VPS53: variants seen among roughly 807,000 people sequenced by gnomAD.
VPS53 encodes VPS53 subunit of GARP complex.
VPS53 carries 70 observed loss-of-function variants against 107.0 expected under a neutral mutation model. That is an observed-to-expected ratio of 0.65 (90% CI 0.54 to 0.80). VPS53 has a LOEUF of 0.80. Ranked by LOEUF, VPS53 falls within the 30% of genes least tolerant of loss-of-function variation. The pLI, the probability that VPS53 is intolerant of heterozygous loss-of-function variation, is 0.00. For synonymous variants in VPS53, 409 were observed against 393.3 expected, an observed-to-expected ratio of 1.04 and a Z score of -0.47; for missense variants, 917 against 1,049.4, an observed-to-expected ratio of 0.87 and a Z score of 1.74.
intron 13 of VPS53, among the ~76,000 whole-genome samples, chr17:569,493 T>C (rs973142467): frequency 7.9e-5 from 12 of 152,198 alleles, no homozygotes; most frequent in Non-Finnish European, 1.2e-4. Context: ...GAGATAGTGA[T>C]GCCTACAACC....
intron 9 of VPS53, 139 bp from the exon 10 acceptor site, chr17:627,455 C>T (rs1260644209): frequency 2.4e-5 from 28 of 1,170,338 alleles, no homozygotes; most frequent in Non-Finnish European, 3.1e-5. Flanking sequence ...TCTAGGCTAC[C>T]TTTTTAACTT....
chr17:686,995 A>C (rs1196307716), intron 4 of VPS53, among the ~76,000 whole-genome samples: 3 of 152,038 alleles, frequency 2.0e-5, no homozygotes, highest in Non-Finnish European at 2.9e-5. Flanking sequence ...ATACTTAAAA[A>C]TTACATTAGC....
intron 19 of VPS53, among the ~76,000 whole-genome samples, chr17:528,357 C>A (rs576203590): frequency 1.3e-5 from 2 of 152,308 alleles, no homozygotes; most frequent in South Asian, 4.1e-4. Context: ...CAATAGGTGG[C>A]TTTTTGTGTC....
At chr17:684,471 A>G (rs1289166304) in intron 4 of VPS53, among the ~76,000 whole-genome samples, 5 of 152,234 alleles carry the variant, frequency 3.3e-5, no homozygotes, top group Non-Finnish European at 7.3e-5. Flanking sequence ...AAAAACCACA[A>G]AATATTTAGT....
intron 4 of VPS53, among the ~76,000 whole-genome samples, chr17:672,226 G>C (rs139146787): frequency 8.5e-6 from 1 of 118,342 alleles, no homozygotes; most frequent in Non-Finnish European, 1.9e-5. Context: ...CTTTACTCCC[G>C]TCTTTGGCTT....
intron 10 of VPS53, 103 bp downstream of exon 10, chr17:627,071 G>A: frequency 6.9e-7 from 1 of 1,443,330 alleles, no homozygotes; most frequent in Non-Finnish European, 9.3e-7. Flanking sequence ...GTGGGGTCTG[G>A]AAGTGGCATC....
chr17:659,189 C>T (rs1433690633), intron 5 of VPS53, among the ~76,000 whole-genome samples: 1 of 152,170 alleles, frequency 6.6e-6, no homozygotes, highest in African/African-American at 2.4e-5. Flanking sequence ...CCACTTGCAA[C>T]TCTGAAATCA....
intron 7 of VPS53, among the ~76,000 whole-genome samples, chr17:643,759 G>A (rs1446597263): frequency 1.3e-5 from 2 of 151,806 alleles, no homozygotes; most frequent in Non-Finnish European, 2.9e-5. Flanking sequence ...GGAAAGCGAG[G>A]ACAACACTCA....
chr17:679,566 G>A (rs1399950179), intron 4 of VPS53, among the ~76,000 whole-genome samples: 1 of 151,986 alleles, frequency 6.6e-6, no homozygotes, highest in African/African-American at 2.4e-5. Context: ...ACAGAGAATT[G>A]GAAAGGATGA....
rs113230071 is a variant in VPS53 at position 578,397 on chromosome 17, C to T, written c.1313+7873G>A. On this transcript the variant is annotated intron_variant, in intron 13 of 21. Coordinates refer to ENST00000437048, the MANE Select transcript of VPS53 (RefSeq NM_001128159.3). ...GAGAACCTCCCTCAGAACCTCAGTG[C>T]GTTTCCAGAGAAGCTCCCTCAGAAC... 7.8e-3 allele frequency among the ~76,000 whole-genome samples: 1,180 copies of T among 150,804 alleles called. 15 individuals are homozygous for T. The highest frequency in any genetic ancestry group is 0.026 in the African/African-American group (1,083 of 40,960).
At chr17:641,521 T>C (rs189235838) in intron 7 of VPS53, among the ~76,000 whole-genome samples, 221 of 152,360 alleles carry the variant, frequency 1.5e-3, no homozygotes, top group African/African-American at 4.0e-3. Context: ...GGTGCATTTG[T>C]GGCTCACTGC....
chr17:609,978 A>G (rs530951485), intron 11 of VPS53, among the ~76,000 whole-genome samples: 2 of 152,170 alleles, frequency 1.3e-5, no homozygotes, highest in South Asian at 4.2e-4. Context: ...ATATAAAAAA[A>G]AAAATTAGCC....
intron 12 of VPS53, among the ~76,000 whole-genome samples, chr17:590,614 T>C (rs1967592927): frequency 6.6e-6 from 1 of 152,158 alleles, no homozygotes; most frequent in Non-Finnish European, 1.5e-5. Context: ...TCAAAGGCCT[T>C]TTCTGCATCT....
At chr17:681,213 C>T (rs8066029) in intron 4 of VPS53, among the ~76,000 whole-genome samples, 3,872 of 152,224 alleles carry the variant, frequency 0.025, 62 homozygotes, top group East Asian at 0.07. Context: ...TTCGGCTCAC[C>T]GCAACCTCAG....
chr17:638,632 A>G (rs179462), intron 7 of VPS53, among the ~76,000 whole-genome samples: 52,822 of 151,924 alleles, frequency 0.35, 10,994 homozygotes, highest in Non-Finnish European at 0.47. Flanking sequence ...ATCTCTCAGC[A>G]TTTGCTTGTC....
intron 11 of VPS53, among the ~76,000 whole-genome samples, chr17:608,223 AT>A (rs1250497380): frequency 2.0e-5 from 3 of 152,120 alleles, no homozygotes; most frequent in Non-Finnish European, 4.4e-5. Context: ...CACTTCTTCT[AT>A]TGCAACAGTT....
At chr17:572,200 G>C (rs1220702434) in intron 13 of VPS53, among the ~76,000 whole-genome samples, 1 of 142,738 alleles carries the variant, frequency 7.0e-6, no homozygotes, top group Non-Finnish European at 1.5e-5. Context: ...CCGCCGCCCC[G>C]TCTGGGATGT....
chr17:662,498 G>A (rs977419413), intron 4 of VPS53, among the ~76,000 whole-genome samples: 1 of 151,986 alleles, frequency 6.6e-6, no homozygotes, highest in Non-Finnish European at 1.5e-5. Context: ...GACCATCCTG[G>A]CTAACACGGT....
intron 4 of VPS53, among the ~76,000 whole-genome samples, chr17:673,429 C>T (rs1189730763): frequency 6.6e-6 from 1 of 152,198 alleles, no homozygotes; most frequent in Non-Finnish European, 1.5e-5. Context: ...CTCTCCACGA[C>T]GGTGCTCAAC....
Sources: allele counts gnomAD v4.1 joint callset (sites outside exome capture counted in the v4.1 genomes callset), GRCh38; gene constraint gnomAD v4.1.1; transcripts MANE v1.5; gene names NCBI Gene and HGNC (gene_info 2026-07-23, HGNC 2026-07-21).